SGCZ: variants seen among roughly 807,000 people sequenced by gnomAD.
The protein encoded by SGCZ is zeta-sarcoglycan.
In SGCZ, 40 loss-of-function variants were observed where a neutral mutation model predicts 41.3. The observed-to-expected ratio is 0.97, with a 90% CI of 0.75 to 1.26. SGCZ has a LOEUF of 1.26. Among genes scored for constraint, SGCZ ranks in the 50% most tolerant of loss-of-function variants. SGCZ has a pLI of 0.00. For synonymous variants in SGCZ, 206 were observed against 137.5 expected, an observed-to-expected ratio of 1.50 and a Z score of -3.49; for missense variants, 552 against 369.8, an observed-to-expected ratio of 1.49 and a Z score of -4.04.
At chr8:14,161,542 G>T (rs978896852) in intron 5 of SGCZ, among the ~76,000 whole-genome samples, 1 of 152,118 alleles carries the variant, frequency 6.6e-6, no homozygotes, top group African/African-American at 2.4e-5. Flanking sequence ...TCACCCTATT[G>T]TACATCTGCA....
intron 1 of SGCZ, among the ~76,000 whole-genome samples, chr8:14,759,345 C>A (rs1183578372): frequency 1.3e-5 from 2 of 149,658 alleles, no homozygotes; most frequent in Non-Finnish European, 1.5e-5. Context: ...TTAGCCTCAA[C>A]AAAAAAAAAA....
chr8:14,122,414 T>G (rs1056845694), intron 5 of SGCZ, among the ~76,000 whole-genome samples: 11 of 152,170 alleles, frequency 7.2e-5, no homozygotes, highest in African/African-American at 2.7e-4. Flanking sequence ...ATAATTCAAT[T>G]TCAAGGAATT....
chr8:14,930,581 C>T (rs546854050), intron 1 of SGCZ, among the ~76,000 whole-genome samples: 7 of 152,110 alleles, frequency 4.6e-5, no homozygotes, highest in African/African-American at 1.7e-4. Flanking sequence ...GACTTGGAAC[C>T]AACCCAAATG....
At chr8:14,500,956 T>TAA (rs71209054) in intron 2 of SGCZ, among the ~76,000 whole-genome samples, 123 of 150,430 alleles carry the variant, frequency 8.2e-4, no homozygotes, top group African/African-American at 2.6e-3. Context: ...ATTGCTGGTG[T>TAA]AAAAAAAAAA....
intron 5 of SGCZ, among the ~76,000 whole-genome samples, chr8:14,114,599 A>G (rs1240951125): frequency 1.3e-5 from 2 of 151,982 alleles, no homozygotes; most frequent in African/African-American, 4.8e-5. Context: ...ATATCCTCTC[A>G]TCCACTTAAA....
At chr8:14,502,829 G>A (rs769148189) in intron 2 of SGCZ, among the ~76,000 whole-genome samples, 11 of 152,174 alleles carry the variant, frequency 7.2e-5, no homozygotes, top group Non-Finnish European at 1.5e-4. Flanking sequence ...TGGAGAAATA[G>A]GAACACTTTA....
chr8:14,577,591 T>C (rs1325986677), intron 1 of SGCZ, among the ~76,000 whole-genome samples: 1 of 152,062 alleles, frequency 6.6e-6, no homozygotes, highest in Non-Finnish European at 1.5e-5. Context: ...TTTCACCATA[T>C]TGGCCAGGCT....
intron 2 of SGCZ, among the ~76,000 whole-genome samples, chr8:14,421,182 A>G (rs80287092): frequency 1.4e-4 from 22 of 152,214 alleles, no homozygotes; most frequent in Non-Finnish European, 3.1e-4. Context: ...ATTCTTGTAC[A>G]TGGAATTGTA....
At chr8:14,684,136 G>C (rs1009425361) in intron 1 of SGCZ, among the ~76,000 whole-genome samples, 3 of 152,022 alleles carry the variant, frequency 2.0e-5, no homozygotes, top group African/African-American at 7.2e-5. Context: ...AATTGTTTCA[G>C]AGCTTTTTAA....
At chr8:15,180,604 G>C (rs1009092280) in intron 1 of SGCZ, among the ~76,000 whole-genome samples, 29 of 151,942 alleles carry the variant, frequency 1.9e-4, no homozygotes, top group African/African-American at 6.0e-4. Context: ...CAGAGGGAAA[G>C]GCTGGGCATG....
intron 1 of SGCZ, among the ~76,000 whole-genome samples, chr8:14,681,714 C>G (rs866197343): frequency 6.6e-6 from 1 of 151,976 alleles, no homozygotes; most frequent in Non-Finnish European, 1.5e-5. Flanking sequence ...ATTATTAATT[C>G]TATAATTTAG....
intron 1 of SGCZ, among the ~76,000 whole-genome samples, chr8:14,884,264 C>A (rs1804703682): frequency 6.6e-6 from 1 of 152,148 alleles, no homozygotes. Context: ...TGCCAAAGTG[C>A]TTTCCAAACC....
intron 1 of SGCZ, among the ~76,000 whole-genome samples, chr8:14,866,494 A>C (rs1803935805): frequency 1.3e-5 from 2 of 152,156 alleles, no homozygotes; most frequent in Admixed American, 1.3e-4. Flanking sequence ...TTTACAAAAT[A>C]TCAACTCCAA....
At chr8:14,890,494 G>C (rs544102757) in intron 1 of SGCZ, among the ~76,000 whole-genome samples, 1 of 152,282 alleles carries the variant, frequency 6.6e-6, no homozygotes, top group East Asian at 1.9e-4. Context: ...ATTCTATGAA[G>C]ACTGAGAGAG....
intron 1 of SGCZ, among the ~76,000 whole-genome samples, chr8:14,821,788 A>G (rs993112097): frequency 6.6e-6 from 1 of 152,120 alleles, no homozygotes; most frequent in Non-Finnish European, 1.5e-5. Context: ...AAAAATTATC[A>G]ACAAATTAGG....
chr8:15,029,524 C>T (rs1010795296), intron 1 of SGCZ, among the ~76,000 whole-genome samples: 1 of 151,948 alleles, frequency 6.6e-6, no homozygotes, highest in African/African-American at 2.4e-5. Flanking sequence ...AAACGATTTC[C>T]CAGTGAATAT....
chr8:14,725,463 T>C (rs1810018879), intron 1 of SGCZ, among the ~76,000 whole-genome samples: 2 of 152,216 alleles, frequency 1.3e-5, no homozygotes, highest in African/African-American at 4.8e-5. Context: ...GTGATTCCCT[T>C]TCTCTGCATC....
intron 1 of SGCZ, among the ~76,000 whole-genome samples, chr8:15,126,124 C>T (rs1225763656): frequency 6.6e-6 from 1 of 152,114 alleles, no homozygotes; most frequent in African/African-American, 2.4e-5. Flanking sequence ...CCAGCCTGGG[C>T]AACAGAGGGA....
intron 1 of SGCZ, among the ~76,000 whole-genome samples, chr8:15,227,189 G>T (rs1260990320): frequency 6.6e-6 from 1 of 152,122 alleles, no homozygotes; most frequent in East Asian, 1.9e-4. Context: ...AGATAAAAAT[G>T]TCTATGGAGT....
Sources: gnomAD v4.1 joint callset for allele counts (sites outside exome capture counted in the v4.1 genomes callset) on GRCh38, gnomAD v4.1.1 for gene constraint, MANE v1.5 for transcripts, NCBI Gene and HGNC (gene_info 2026-07-23, HGNC 2026-07-21) for gene names.